AOAH: variants seen among roughly 807,000 people sequenced by gnomAD.
AOAH encodes acyloxyacyl hydrolase (neutrophil).
Under a neutral mutation model 92.2 loss-of-function variants are expected in AOAH, and 64 were observed. That is an observed-to-expected ratio of 0.69 (90% CI 0.57 to 0.86). The LOEUF is 0.86. Ranked by LOEUF, AOAH falls within the 40% of genes least tolerant of loss-of-function variation. The pLI, the probability that AOAH is intolerant of heterozygous loss-of-function variation, is 0.00. For synonymous variants in AOAH, 263 were observed against 254.5 expected, an observed-to-expected ratio of 1.03 and a Z score of -0.32; for missense variants, 656 against 694.6, an observed-to-expected ratio of 0.94 and a Z score of 0.62.
intron 4 of AOAH, among the ~76,000 whole-genome samples, chr7:36,654,123 G>A (rs917084642): frequency 6.9e-6 from 1 of 145,704 alleles, no homozygotes; most frequent in Non-Finnish European, 1.5e-5. Flanking sequence ...CTGTGCGTGT[G>A]TGCGTACACA....
intron 4 of AOAH, among the ~76,000 whole-genome samples, chr7:36,658,838 C>T (rs1440507176): frequency 6.6e-6 from 1 of 152,156 alleles, no homozygotes; most frequent in Non-Finnish European, 1.5e-5. Context: ...GCATGAGTTG[C>T]TCACTCTGTG....
chr7:36,610,690 G>A (rs2718184), intron 11 of AOAH, among the ~76,000 whole-genome samples: 101,705 of 151,994 alleles, frequency 0.67, 34,213 homozygotes, highest in African/African-American at 0.74. Flanking sequence ...ACAATAAAGC[G>A]TATGCACTCT....
chr7:36,579,686 C>T (rs1205615953), intron 12 of AOAH, among the ~76,000 whole-genome samples: 1 of 152,078 alleles, frequency 6.6e-6, no homozygotes, highest in Non-Finnish European at 1.5e-5. Context: ...AAGATGTAGC[C>T]TGGGAGGCCA....
chr7:36,616,140 C>T (rs1761715114), intron 11 of AOAH, among the ~76,000 whole-genome samples: 1 of 152,228 alleles, frequency 6.6e-6, no homozygotes, highest in African/African-American at 2.4e-5. Flanking sequence ...ACCTTCTTGA[C>T]TCCCCACTGC....
At chr7:36,723,956 G>T (rs1445163141) in intron 1 of AOAH, 66 bp downstream of exon 1, 2 of 1,517,130 alleles carry the variant, frequency 1.3e-6, no homozygotes, top group Admixed American at 2.0e-5. Flanking sequence ...GATTTATTAC[G>T]CAAGCAAAGT....
In AOAH at chr7:36,514,739, A is replaced by C. The variant is rs1449797413; in HGVS notation, c.1600-1359T>G. On this transcript the variant is annotated intron_variant, in intron 20 of 20. Transcript: ENST00000617537. ...GAGGGGAATACATTGTTCGGGAAGG[A>C]TGCTCAGGGATATCCCTGACTTTTC... 2.4e-5 allele frequency: 15 copies of C among 620,924 alleles called. No homozygotes were observed. The Admixed American group carries it at 4.0e-4, about 17-fold the overall frequency. The allele number at this position is 620,924 out of a possible 1,614,324, so 38.5% of individuals were successfully genotyped here.
intron 18 of AOAH, among the ~76,000 whole-genome samples, chr7:36,531,124 G>A (rs1327062906): frequency 6.6e-6 from 1 of 152,140 alleles, no homozygotes; most frequent in African/African-American, 2.4e-5. Flanking sequence ...ATGAACATTG[G>A]AAAGCATAAA....
At chr7:36,643,582 AT>A (rs1326285195) in intron 4 of AOAH, among the ~76,000 whole-genome samples, 5 of 152,106 alleles carry the variant, frequency 3.3e-5, no homozygotes, top group African/African-American at 9.7e-5. Context: ...CCATTCAATC[AT>A]TTTTTTGTGC....
In AOAH at chr7:36,724,195, A is replaced by G; in HGVS notation, c.-47T>C. On this transcript the variant is annotated 5_prime_UTR_variant, in exon 1 of 21. Transcript: ENST00000617537. ...TGATCACCCGGCTTTGGAAGCTCCC[A>G]ACTGAGGGATGCTGGAGCTGAGGCT... 1 of 1,605,550 alleles carries G rather than the reference A, an allele frequency of 6.2e-7. No homozygotes were observed. Among genetic ancestry groups the G allele is most frequent in the South Asian group, 1.1e-5 (1 of 90,720 alleles).
chr7:36,699,626 T>C (rs910560369), intron 1 of AOAH, among the ~76,000 whole-genome samples: 1 of 104,898 alleles, frequency 9.5e-6, no homozygotes, highest in Admixed American at 1.3e-4. Context: ...CATTTTTAAA[T>C]TGGATTATTT....
chr7:36,681,578 G>A (rs1015991835), intron 2 of AOAH, among the ~76,000 whole-genome samples: 1 of 152,100 alleles, frequency 6.6e-6, no homozygotes, highest in Non-Finnish European at 1.5e-5. Context: ...GCCGAGGCGG[G>A]CAGATCACCT....
At chr7:36,528,467 G>A (rs1295830404) in intron 19 of AOAH, among the ~76,000 whole-genome samples, 1 of 152,150 alleles carries the variant, frequency 6.6e-6, no homozygotes, top group Admixed American at 6.5e-5. Flanking sequence ...CAGAGATAAG[G>A]ACTCTTCTGC....
rs1799845679 is a variant in AOAH, at chr7:36,724,398, G to A, written c.-250C>T. ...AGAGAGCCACACACAAAGAGCTGGA[G>A]GGAGTCTGTGGTGTGCGGTTCTGCT... On this transcript the variant is annotated 5_prime_UTR_variant, in exon 1 of 21. Transcript: ENST00000617537. 1.1e-5 allele frequency: 4 copies of A among 366,980 alleles called. No homozygotes were observed. The highest frequency in any genetic ancestry group is 2.1e-5 in the African/African-American group (1 of 47,942). The allele number at this position is 366,980 out of a possible 1,614,324, so 22.7% of individuals were successfully genotyped here.
chr7:36,705,220 T>C (rs1204130977), intron 1 of AOAH, among the ~76,000 whole-genome samples: 1 of 152,194 alleles, frequency 6.6e-6, no homozygotes, highest in Non-Finnish European at 1.5e-5. Context: ...GATGACATGA[T>C]TGTATATTTA....
intron 13 of AOAH, among the ~76,000 whole-genome samples, chr7:36,568,108 G>GA (rs1787842087): frequency 6.6e-6 from 1 of 152,188 alleles, no homozygotes; most frequent in Admixed American, 6.5e-5. Context: ...TTAGGCTAAA[G>GA]AAAAAGGGAT....
chr7:36,519,148 A>G (rs1250297282), intron 20 of AOAH, among the ~76,000 whole-genome samples: 2 of 152,214 alleles, frequency 1.3e-5, no homozygotes, highest in Non-Finnish European at 2.9e-5. Context: ...GCTTGAGAAC[A>G]TCCAGTGGCT....
intron 10 of AOAH, among the ~76,000 whole-genome samples, chr7:36,617,590 GTGAA>G (rs3053536): frequency 4.6e-5 from 7 of 152,194 alleles, no homozygotes; most frequent in African/African-American, 7.2e-5. Context: ...TGTTGAATGA[GTGAA>G]TGAATGAATG....
At chr7:36,595,934 A>G (rs1303374369) in intron 11 of AOAH, among the ~76,000 whole-genome samples, 1 of 152,214 alleles carries the variant, frequency 6.6e-6, no homozygotes, top group Non-Finnish European at 1.5e-5. Flanking sequence ...TGTCAAAACA[A>G]TTGTAGCTTT....
intron 4 of AOAH, among the ~76,000 whole-genome samples, chr7:36,640,805 C>A (rs533478347): frequency 3.7e-4 from 57 of 152,176 alleles, no homozygotes; most frequent in Admixed American, 1.1e-3. Flanking sequence ...CTGGCTCCAA[C>A]CCTGGGCATC....
Sources: gnomAD v4.1 joint callset for allele counts (sites outside exome capture counted in the v4.1 genomes callset) on GRCh38, gnomAD v4.1.1 for gene constraint, MANE v1.5 for transcripts, NCBI Gene and HGNC (gene_info 2026-07-23, HGNC 2026-07-21) for gene names.